The following PDK1 variants were observed in gnomAD, a reference collection of about 807,000 sequenced individuals.
PDK1 encodes the protein pyruvate dehydrogenase kinase 1.
A neutral mutation model predicts 54.2 loss-of-function variants in PDK1; 39 were observed. That is an observed-to-expected ratio of 0.72 (90% CI 0.56 to 0.94). PDK1 has a LOEUF of 0.94. Among genes scored for constraint, PDK1 ranks in the 40% least tolerant of loss-of-function variants. PDK1 has a pLI of 0.00. For missense variants in PDK1, 552 were observed against 566.0 expected (o/e 0.98, Z 0.25); for synonymous variants, 221 against 207.1 (o/e 1.07, Z -0.58).
the PDK1 span, among the ~76,000 whole-genome samples, chr2:172,627,360 C>T: frequency 6.6e-6 from 1 of 152,200 alleles, no homozygotes; most frequent in South Asian, 2.1e-4. Context: ...AAAGCAACAG[C>T]AGCTGGTAGA....
the PDK1 span, among the ~76,000 whole-genome samples, chr2:172,691,834 T>A: frequency 6.6e-6 from 1 of 152,264 alleles, no homozygotes; most frequent in African/African-American, 2.4e-5. Flanking sequence ...ACATCTTGGT[T>A]ACTTATAAGT....
the PDK1 span, among the ~76,000 whole-genome samples, chr2:172,643,312 C>T: frequency 2.6e-5 from 4 of 152,250 alleles, no homozygotes; most frequent in South Asian, 6.2e-4. Flanking sequence ...TCCTGTCATC[C>T]GTTTGTCAAA....
chr2:172,710,231 G>C, the PDK1 span, among the ~76,000 whole-genome samples: 1 of 152,146 alleles, frequency 6.6e-6, no homozygotes, highest in Non-Finnish European at 1.5e-5. Context: ...AAATGCAAAG[G>C]GTAACATGTT....
the PDK1 span, among the ~76,000 whole-genome samples, chr2:172,659,755 A>T: frequency 6.6e-6 from 1 of 152,256 alleles, no homozygotes; most frequent in African/African-American, 2.4e-5. Flanking sequence ...AGGGTACTTT[A>T]ACAGGCTCTC....
the PDK1 span, among the ~76,000 whole-genome samples, chr2:172,660,542 C>T: frequency 5.1e-4 from 77 of 152,130 alleles, 1 homozygote; most frequent in Middle Eastern, 6.8e-3. Context: ...CAGGTGTGAG[C>T]CACAGTGCCT....
At position 172,599,573 on chromosome 2, in the gene PDK1, C is replaced by T. The variant is rs938450855; in HGVS notation, c.*3604C>T. ...CTGGTCCCAATAATTAATTTTCTTA[C>T]AGTCAAACCCAATGCACTTGAAAAA... On this transcript the variant is annotated 3_prime_UTR_variant, in exon 11 of 11. Coordinates refer to ENST00000282077, the MANE Select transcript of PDK1 (RefSeq NM_002610.5). 3 of 152,118 alleles carry T rather than the reference C, an allele frequency of 2.0e-5. No homozygotes were observed. Among genetic ancestry groups the T allele is most frequent in the Non-Finnish European group, 4.4e-5 (3 of 68,006 alleles). The allele number at this position is 152,118 out of a possible 1,614,324, so 9.4% of individuals were successfully genotyped here.
At chr2:172,683,913 T>C in the PDK1 span, among the ~76,000 whole-genome samples, 1 of 152,206 alleles carries the variant, frequency 6.6e-6, no homozygotes, top group African/African-American at 2.4e-5. Context: ...GGAATGGTTC[T>C]TTGCCTTTTA....
In PDK1 at chr2:172,570,797, G is replaced by A. The variant is rs768742755; in HGVS notation, c.918G>A (p.Thr306=). 22 of 1,607,820 alleles carry A rather than the reference G, an allele frequency of 1.4e-5. No individual in the cohort carries two copies. The highest frequency in any genetic ancestry group is 3.3e-5 in the South Asian group (3 of 90,816). ...GVYPPIQVHV[T]LGNEDLTVKM... is the part of the protein sequence containing the mutation. ...ACCCCCCTATTCAAGTTCATGTCAC[G>A]CTGGGTAATGAGGATTTGACTGTGA... Residue 306 remains threonine, a synonymous_variant, in exon 8 of 11, where the codon ACG becomes ACA. Coordinates refer to ENST00000282077, the MANE Select transcript of PDK1 (RefSeq NM_002610.5).
the PDK1 span, among the ~76,000 whole-genome samples, chr2:172,622,730 C>G: frequency 2.4e-4 from 34 of 143,346 alleles, 1 homozygote; most frequent in African/African-American, 8.6e-4. Context: ...ATGTTTATAT[C>G]TCATATTATG....
At chr2:172,590,211 A>T (rs914572851) in intron 9 of PDK1, among the ~76,000 whole-genome samples, 1 of 152,220 alleles carries the variant, frequency 6.6e-6, no homozygotes, top group Non-Finnish European at 1.5e-5. Flanking sequence ...GCAACAAGCC[A>T]TTTTCTACTC....
the PDK1 span, among the ~76,000 whole-genome samples, chr2:172,651,890 T>C: frequency 6.6e-6 from 1 of 152,190 alleles, no homozygotes; most frequent in Non-Finnish European, 1.5e-5. Flanking sequence ...ACCAGTGGTA[T>C]GAGGAAGAGC....
the PDK1 span, among the ~76,000 whole-genome samples, chr2:172,699,231 A>G: frequency 6.6e-6 from 1 of 152,222 alleles, no homozygotes; most frequent in Non-Finnish European, 1.5e-5. Flanking sequence ...GCTATTTTCT[A>G]TGAGAGAATA....
chr2:172,720,118 T>C, the PDK1 span, among the ~76,000 whole-genome samples: 4 of 135,324 alleles, frequency 3.0e-5, no homozygotes, highest in African/African-American at 1.3e-4. Context: ...CTCTCTCTCT[T>C]TTTTTTTTTT....
the PDK1 span, among the ~76,000 whole-genome samples, chr2:172,698,772 C>T: frequency 2.6e-5 from 4 of 152,196 alleles, no homozygotes; most frequent in Non-Finnish European, 4.4e-5. Flanking sequence ...ATTAGAACCA[C>T]GTGAGGAGGT....
rs987395525 is a variant in PDK1, at chr2:172,595,904, G to A, written c.1246G>A (p.Glu416Lys). The A allele has an allele frequency of 3.1e-6, 5 of 1,613,646 alleles. No individual in the cohort carries two copies. The highest frequency in any genetic ancestry group is 4.2e-6 in the Non-Finnish European group (5 of 1,179,700). Residue 416 changes from glutamate to lysine, a missense_variant, in exon 11 of 11, where the codon GAG (glutamate) becomes AAG (lysine). By Grantham distance (56) the Glu-to-Lys change is moderately conservative. Transcript: ENST00000282077. The stretch of plus-strand genomic sequence containing the variant: ...CTGGAAGCATTACAACACCAACCAC[G>A]AGGCTGATGACTGGTGCGTCCCCAG... ...AAWKHYNTNH[E>K]ADDWCVPSRE... is the part of the protein sequence containing the mutation.
At chr2:172,583,300 T>TTTG in intron 8 of PDK1, among the ~76,000 whole-genome samples, 1 of 138,146 alleles carries the variant, frequency 7.2e-6, no homozygotes, top group Non-Finnish European at 1.6e-5. Context: ...TTTTTTTTTT[T>TTTG]TTTTTTTTTT....
chr2:172,640,772 A>C, the PDK1 span, among the ~76,000 whole-genome samples: 14 of 152,286 alleles, frequency 9.2e-5, no homozygotes, highest in East Asian at 2.7e-3. Flanking sequence ...GGGCCCTCTA[A>C]AGGTTTGCTG....
the PDK1 span, among the ~76,000 whole-genome samples, chr2:172,648,966 A>T: frequency 6.6e-6 from 1 of 152,218 alleles, no homozygotes; most frequent in Non-Finnish European, 1.5e-5. Flanking sequence ...TCCCTGTCTG[A>T]CAGCTTTGAA....
chr2:172,664,396 T>C, the PDK1 span, among the ~76,000 whole-genome samples: 1 of 152,008 alleles, frequency 6.6e-6, no homozygotes, highest in East Asian at 1.9e-4. Flanking sequence ...TCTTTTACCT[T>C]TGTAAGTTAT....
Sources: gnomAD v4.1 joint callset for allele counts (sites outside exome capture counted in the v4.1 genomes callset) on GRCh38, gnomAD v4.1.1 for gene constraint, MANE v1.5 for transcripts, NCBI Gene and HGNC (gene_info 2026-07-23, HGNC 2026-07-21) for gene names.